HSP90AA1: variants seen among roughly 807,000 people sequenced by gnomAD.
HSP90AA1 encodes the protein heat shock protein 90 alpha family class A member 1.
A neutral mutation model predicts 73.3 loss-of-function variants in HSP90AA1; 18 were observed. That is an observed-to-expected ratio of 0.25 (90% CI 0.17 to 0.36). The LOEUF (loss-of-function observed/expected upper bound fraction) is 0.36. Among genes scored for constraint, HSP90AA1 ranks in the 10% least tolerant of loss-of-function variants. The pLI is 1.00. For missense variants in HSP90AA1, 704 were observed against 874.2 expected (o/e 0.81, Z 2.45); for synonymous variants, 477 against 296.9 (o/e 1.61, Z -6.24).
chr14:102,103,221 A>ATTTT (rs1244776166), intron 1 of HSP90AA1, among the ~76,000 whole-genome samples: 1 of 101,006 alleles, frequency 9.9e-6, no homozygotes, highest in Non-Finnish European at 2.0e-5. Context: ...GTGGGAGTTG[A>ATTTT]TTTTTTTTTT....
In HSP90AA1 at chr14:102,133,602, G is replaced by GC. The variant is rs200795074; in HGVS notation, c.155+5647dup. ...AGGTTCAAGTGATTCTCCTGCCTCA[G>GC]CCCCCCTAGTAGCTGGGATTACAGG... On this transcript the variant is annotated intron_variant, in intron 1 of 11. Transcript: ENST00000334701. Among the ~76,000 whole-genome samples, 3 of 150,940 alleles carry GC rather than the reference G, an allele frequency of 2.0e-5. No individual in the cohort carries two copies. In the East Asian group the frequency reaches 6.0e-4, roughly 30 times the overall value.
intron 1 of HSP90AA1, among the ~76,000 whole-genome samples, chr14:102,132,808 G>C (rs1017217323): frequency 6.6e-6 from 1 of 150,526 alleles, no homozygotes; most frequent in African/African-American, 2.4e-5. Flanking sequence ...AAATACAAAA[G>C]AATTTAGCTG....
At chr14:102,098,459 C>CTTT (rs55683551) in intron 2 of HSP90AA1, among the ~76,000 whole-genome samples, 29 of 75,460 alleles carry the variant, frequency 3.8e-4, no homozygotes, top group African/African-American at 8.2e-4. Flanking sequence ...TGCACCTGGC[C>CTTT]TTTTTTTTTT....
chr14:102,136,766 T>C (rs2050003817), intron 1 of HSP90AA1, among the ~76,000 whole-genome samples: 1 of 150,402 alleles, frequency 6.6e-6, no homozygotes, highest in Non-Finnish European at 1.5e-5. Flanking sequence ...GCAGGTGCCT[T>C]AATCCCAGCT....
chr14:102,109,579 G>A lies in HSP90AA1; in HGVS notation c.156-7494C>T, dbSNP rs537897251. Among the ~76,000 whole-genome samples, 4 of 152,256 alleles carry A rather than the reference G, an allele frequency of 2.6e-5. No homozygotes were observed. In the East Asian group the frequency reaches 7.7e-4, roughly 29 times the overall value. ...CTGCCATGATTGTGAGGCTTCCCCAGCCATGTGGAACTGTAAGACCATTAA... is the reference window on the plus strand; with the variant it reads ...CTGCCATGATTGTGAGGCTTCCCCAACCATGTGGAACTGTAAGACCATTAA... On this transcript the variant is annotated intron_variant, in intron 1 of 11. Coordinates refer to the HSP90AA1 transcript ENST00000334701.
intron 1 of HSP90AA1, among the ~76,000 whole-genome samples, chr14:102,129,902 C>T (rs1055730389): frequency 2.0e-5 from 3 of 152,212 alleles, no homozygotes; most frequent in Admixed American, 6.5e-5. Flanking sequence ...GGTTTGTTTC[C>T]ACTTTTTGGC....
chr14:102,122,826 C>T (rs1205690600), intron 1 of HSP90AA1, among the ~76,000 whole-genome samples: 1 of 151,642 alleles, frequency 6.6e-6, no homozygotes, highest in African/African-American at 2.4e-5. Flanking sequence ...TGCCACCATG[C>T]CCAGCTGATT....
intron 1 of HSP90AA1, among the ~76,000 whole-genome samples, chr14:102,130,040 G>A (rs1435597921): frequency 4.0e-5 from 6 of 148,666 alleles, no homozygotes; most frequent in Non-Finnish European, 6.0e-5. Context: ...GTGTGATCTC[G>A]GCTCACTGCA....
At chr14:102,133,015 C>T (rs2152627302) in intron 1 of HSP90AA1, among the ~76,000 whole-genome samples, 1 of 151,536 alleles carries the variant, frequency 6.6e-6, no homozygotes. Flanking sequence ...CGCAGTGGCT[C>T]ACGCCTGTAA....
chr14:102,085,156 G>A (rs34348769), intron 4 of HSP90AA1, 142 bp downstream of exon 4: 87 of 1,459,868 alleles, frequency 6.0e-5, no homozygotes, highest in Non-Finnish European at 7.5e-5. Context: ...AATAGCCCGA[G>A]GAACTTTTAC....
intron 1 of HSP90AA1, among the ~76,000 whole-genome samples, chr14:102,138,367 G>C (rs1316101428): frequency 6.6e-6 from 1 of 152,136 alleles, no homozygotes; most frequent in African/African-American, 2.4e-5. Context: ...TATGGAGTTT[G>C]GGATATAGCC....
chr14:102,103,694 C>A (rs1016463560), intron 1 of HSP90AA1, among the ~76,000 whole-genome samples: 1 of 151,672 alleles, frequency 6.6e-6, no homozygotes, highest in East Asian at 1.9e-4. Flanking sequence ...ATCCCAGATA[C>A]TTGGGAGGCA....
chr14:102,087,012 A>C lies in HSP90AA1; in HGVS notation c.-27T>G, dbSNP rs527315225. 2.8e-5 allele frequency: 28 copies of C among 985,182 alleles called. No individual in the cohort carries two copies. In the South Asian group the frequency reaches 1.3e-3, roughly 46 times the overall value. 61.0% of individuals were successfully genotyped at this position (985,182 alleles called of 1,614,324 possible). On this transcript the variant is annotated 5_prime_UTR_variant, in exon 1 of 11. Transcript: ENST00000216281. ...TTGGCTAAGTGACCGCACAGGACCA[A>C]CGGCACAGCCACACCGGGACGCTGA...
chr14:102,084,318 T>G (rs2049170433), intron 6 of HSP90AA1, 81 bp downstream of exon 6: 10 of 1,327,140 alleles, frequency 7.5e-6, no homozygotes, highest in Non-Finnish European at 9.8e-6. Flanking sequence ...AGTGCTAGGA[T>G]TATAGGTGTG....
At chr14:102,085,086 G>A (rs2049193704) in intron 4 of HSP90AA1, 88 bp from the exon 5 acceptor site, 6 of 1,601,978 alleles carry the variant, frequency 3.7e-6, no homozygotes, top group Non-Finnish European at 5.1e-6. Flanking sequence ...TAAGGCCCAA[G>A]TCTAAATTAG....
chr14:102,100,570 C>T (rs1416365395), intron 2 of HSP90AA1, among the ~76,000 whole-genome samples: 1 of 152,120 alleles, frequency 6.6e-6, no homozygotes, highest in Non-Finnish European at 1.5e-5. Context: ...GGATTACAGG[C>T]ATGCACCATC....
chr14:102,107,943 C>T (rs1405431459), intron 1 of HSP90AA1, among the ~76,000 whole-genome samples: 1 of 93,200 alleles, frequency 1.1e-5, no homozygotes, highest in African/African-American at 3.8e-5. Context: ...TCACTGAATT[C>T]TCTCTTAAAT....
chr14:102,086,458 A>G (rs1448865126), intron 1 of HSP90AA1, 80 bp from the exon 2 acceptor site: 14 of 1,495,948 alleles, frequency 9.4e-6, no homozygotes, highest in Non-Finnish European at 1.3e-5. Flanking sequence ...TTCTCCAAAT[A>G]TTTTTAAAGC....
chr14:102,088,911 T>TC (rs35634414), upstream of HSP90AA1, among the ~76,000 whole-genome samples: 111,812 of 148,432 alleles, frequency 0.75, 43,776 homozygotes, highest in Non-Finnish European at 0.87. Context: ...TCTTTTCTTT[T>TC]TTTTTTTTTT....
Sources: gnomAD v4.1 joint callset for allele counts (sites outside exome capture counted in the v4.1 genomes callset) on GRCh38, gnomAD v4.1.1 for gene constraint, MANE v1.5 for transcripts, NCBI Gene and HGNC (gene_info 2026-07-23, HGNC 2026-07-21) for gene names.